CADM2: variants seen among roughly 807,000 people sequenced by gnomAD.
The protein encoded by CADM2 is immunoglobulin superfamily member 4D.
CADM2 carries 12 observed loss-of-function variants against 49.8 expected under a neutral mutation model. The ratio of observed to expected loss-of-function variants is 0.24; its 90% CI spans 0.15 to 0.39. The LOEUF (loss-of-function observed/expected upper bound fraction) is 0.39, where lower values mean the gene tolerates loss of function less well. CADM2 is among the 10% of genes least tolerant of loss of function. The pLI is 1.00. For synonymous variants in CADM2, 214 were observed against 175.4 expected (o/e 1.22, Z -1.74); for missense variants, 378 against 492.3 (o/e 0.77, Z 2.20).
rs1229119422 is a variant in CADM2 at position 85,532,724 on chromosome 3, G to A, written c.62-193798G>A. ...TAAATGCATGCATATGTTCATTTCA[G>A]CACTTCATAATAACAAATACATGAA... On this transcript the variant is annotated intron_variant, in intron 1 of 9. Coordinates refer to ENST00000383699, the MANE Select transcript of CADM2 (RefSeq NM_001167675.2). Among the ~76,000 whole-genome samples, 3 of 152,098 alleles carry A rather than the reference G, an allele frequency of 2.0e-5. No homozygotes were observed. The East Asian group carries it at 5.8e-4, about 29-fold the overall frequency.
chr3:85,523,158 C>T (rs1381331431), intron 1 of CADM2, among the ~76,000 whole-genome samples: 1 of 152,108 alleles, frequency 6.6e-6, no homozygotes, highest in African/African-American at 2.4e-5. Context: ...CCCACACATC[C>T]TGATTTATTT....
intron 8 of CADM2, among the ~76,000 whole-genome samples, chr3:86,025,097 C>T (rs553522018): frequency 4.0e-5 from 6 of 151,750 alleles, no homozygotes; most frequent in Non-Finnish European, 8.8e-5. Flanking sequence ...TCTCTGTCGC[C>T]CAGGCCAGAG....
chr3:85,219,112 G>A (rs78989218), intron 1 of CADM2, among the ~76,000 whole-genome samples: 6,653 of 152,174 alleles, frequency 0.044, 399 homozygotes, highest in African/African-American at 0.14. Context: ...TATAGGTATG[G>A]TTTTGAATTA....
chr3:85,482,284 A>T (rs1023834874), intron 1 of CADM2, among the ~76,000 whole-genome samples: 1 of 151,794 alleles, frequency 6.6e-6, no homozygotes, highest in Non-Finnish European at 1.5e-5. Flanking sequence ...TAAAGTTTCA[A>T]GTTCTATATT....
At chr3:85,582,147 A>C (rs1368175495) in intron 1 of CADM2, among the ~76,000 whole-genome samples, 1 of 152,012 alleles carries the variant, frequency 6.6e-6, no homozygotes, top group African/African-American at 2.4e-5. Flanking sequence ...GATGGTCTCG[A>C]TCTCTTGATC....
chr3:85,164,679 C>A (rs556561541), intron 1 of CADM2, among the ~76,000 whole-genome samples: 4 of 151,944 alleles, frequency 2.6e-5, no homozygotes, highest in African/African-American at 9.7e-5. Flanking sequence ...TGCTGTGTTT[C>A]TTTTAGAATG....
At chr3:86,040,493 A>T (rs1735738789) in intron 8 of CADM2, among the ~76,000 whole-genome samples, 1 of 152,202 alleles carries the variant, frequency 6.6e-6, no homozygotes, top group Admixed American at 6.5e-5. Context: ...GTGACGGAAG[A>T]TCAAATGAAT....
chr3:85,508,383 G>A (rs1331714560), intron 1 of CADM2, among the ~76,000 whole-genome samples: 1 of 152,146 alleles, frequency 6.6e-6, no homozygotes, highest in Non-Finnish European at 1.5e-5. Context: ...TGTGTATTCT[G>A]TGAAGAGACA....
intron 1 of CADM2, among the ~76,000 whole-genome samples, chr3:85,052,947 A>C (rs548304086): frequency 3.3e-5 from 5 of 152,124 alleles, no homozygotes; most frequent in African/African-American, 1.2e-4. Flanking sequence ...CTTCTTTGGC[A>C]CAGTTTAGAA....
At chr3:85,194,143 G>A (rs867471363) in intron 1 of CADM2, among the ~76,000 whole-genome samples, 2 of 152,148 alleles carry the variant, frequency 1.3e-5, no homozygotes, top group African/African-American at 2.4e-5. Context: ...TAAAGCAGGG[G>A]TTGTGGGAGA....
At chr3:85,082,925 T>C in intron 1 of CADM2, among the ~76,000 whole-genome samples, 1 of 152,048 alleles carries the variant, frequency 6.6e-6, no homozygotes. Flanking sequence ...CCTGAAGAAG[T>C]TTAAAAAAAT....
chr3:85,515,542 C>A (rs1357094813), intron 1 of CADM2, among the ~76,000 whole-genome samples: 2 of 149,020 alleles, frequency 1.3e-5, no homozygotes, highest in Non-Finnish European at 3.0e-5. Flanking sequence ...CCTGCCTCAG[C>A]CTCCCGAGTA....
At chr3:85,754,274 T>C (rs146411941) in intron 2 of CADM2, among the ~76,000 whole-genome samples, 4 of 152,280 alleles carry the variant, frequency 2.6e-5, no homozygotes, top group African/African-American at 7.2e-5. Context: ...ATTGGGAGAC[T>C]GCCATTCCCT....
chr3:85,785,389 T>G (rs767772016), intron 2 of CADM2, among the ~76,000 whole-genome samples: 9 of 152,180 alleles, frequency 5.9e-5, no homozygotes, highest in Non-Finnish European at 1.3e-4. Context: ...GCATGAATAC[T>G]GAGACTAATC....
intron 1 of CADM2, among the ~76,000 whole-genome samples, chr3:85,466,222 C>A (rs1254967730): frequency 1.3e-5 from 2 of 152,118 alleles, no homozygotes; most frequent in African/African-American, 4.8e-5. Flanking sequence ...TAGTTTAAAG[C>A]TGACAGCATA....
intron 1 of CADM2, among the ~76,000 whole-genome samples, chr3:85,208,237 A>C (rs1239063857): frequency 6.6e-6 from 1 of 152,184 alleles, no homozygotes; most frequent in East Asian, 1.9e-4. Flanking sequence ...CAAAACCCAA[A>C]TTTAATTTGA....
intron 5 of CADM2, among the ~76,000 whole-genome samples, chr3:85,894,655 T>A (rs576801259): frequency 6.6e-6 from 1 of 152,276 alleles, no homozygotes; most frequent in Non-Finnish European, 1.5e-5. Flanking sequence ...CCCATTGTCC[T>A]AGAAGGGAAA....
intron 5 of CADM2, among the ~76,000 whole-genome samples, chr3:85,906,853 A>C (rs1716870640): frequency 6.6e-6 from 1 of 152,222 alleles, no homozygotes; most frequent in Non-Finnish European, 1.5e-5. Context: ...AATATCTTTG[A>C]GCATTTAACC....
intron 1 of CADM2, among the ~76,000 whole-genome samples, chr3:85,087,271 T>G (rs2037416213): frequency 6.6e-6 from 1 of 152,140 alleles, no homozygotes; most frequent in African/African-American, 2.4e-5. Context: ...TTCCTGGATA[T>G]TTATAGAATG....
Sources: allele counts gnomAD v4.1 joint callset (sites outside exome capture counted in the v4.1 genomes callset), GRCh38; gene constraint gnomAD v4.1.1; transcripts MANE v1.5; gene names NCBI Gene and HGNC (gene_info 2026-07-23, HGNC 2026-07-21).